Variants in TTC28 observed in about 807,000 individuals in gnomAD.
TTC28 encodes tetratricopeptide repeat domain 28.
In TTC28, 61 loss-of-function variants were observed where a neutral mutation model predicts 198.0. The ratio of observed to expected loss-of-function variants is 0.31; its 90% CI spans 0.25 to 0.38. The LOEUF (loss-of-function observed/expected upper bound fraction) is 0.38. Among genes scored for constraint, TTC28 ranks in the 10% least tolerant of loss-of-function variants. TTC28 has a pLI of 1.00. For synonymous variants in TTC28, 1,171 were observed against 1,297.8 expected (o/e 0.90, Z 2.10); for missense variants, 2,678 against 3,164.0 (o/e 0.85, Z 3.69).
At chr22:28,085,998 C>T (rs1041716814) in intron 12 of TTC28, among the ~76,000 whole-genome samples, 3 of 152,130 alleles carry the variant, frequency 2.0e-5, no homozygotes, top group Non-Finnish European at 2.9e-5. Context: ...TACAGGAGCA[C>T]CCAGATTCAT....
chr22:28,545,487 G>A (rs2049521158), intron 2 of TTC28, among the ~76,000 whole-genome samples: 1 of 152,142 alleles, frequency 6.6e-6, no homozygotes. Context: ...GCTGAGGCAG[G>A]AGGATCACTT....
chr22:28,350,226 T>A (rs969152539), intron 2 of TTC28, among the ~76,000 whole-genome samples: 2 of 152,196 alleles, frequency 1.3e-5, no homozygotes, highest in African/African-American at 4.8e-5. Flanking sequence ...TAAAGTATAT[T>A]TTTTTCTCAC....
At chr22:28,017,365 G>A (rs1938416717) in intron 13 of TTC28, among the ~76,000 whole-genome samples, 2 of 152,262 alleles carry the variant, frequency 1.3e-5, no homozygotes, top group South Asian at 2.1e-4. Flanking sequence ...CCCAGGCCAT[G>A]GGCCTTTGTC....
intron 2 of TTC28, among the ~76,000 whole-genome samples, chr22:28,596,544 C>G (rs1367417102): frequency 2.0e-5 from 3 of 152,098 alleles, no homozygotes; most frequent in Non-Finnish European, 4.4e-5. Context: ...GGTTAGGAAG[C>G]TTTTCTGTTT....
chr22:28,556,318 C>A (rs899343084), intron 2 of TTC28, among the ~76,000 whole-genome samples: 9 of 152,092 alleles, frequency 5.9e-5, no homozygotes, highest in African/African-American at 1.9e-4. Flanking sequence ...AAGATCGCAC[C>A]ACTGCACCCC....
chr22:28,454,946 A>G (rs1568954245), intron 2 of TTC28, among the ~76,000 whole-genome samples: 1 of 152,264 alleles, frequency 6.6e-6, no homozygotes, highest in African/African-American at 2.4e-5. Flanking sequence ...ATATGAAAAC[A>G]TGAGAAAGCT....
intron 13 of TTC28, among the ~76,000 whole-genome samples, chr22:28,020,959 C>G (rs1232846087): frequency 6.6e-6 from 1 of 152,148 alleles, no homozygotes; most frequent in East Asian, 1.9e-4. Flanking sequence ...GAGGCAGGCT[C>G]TCACCTCAAC....
intron 5 of TTC28, among the ~76,000 whole-genome samples, chr22:28,249,447 T>C (rs1930356038): frequency 6.6e-6 from 1 of 152,190 alleles, no homozygotes; most frequent in South Asian, 2.1e-4. Context: ...CCACAGGTGA[T>C]TTAAAATCTT....
At position 28,107,622 on chromosome 22, in the gene TTC28, C is replaced by T; in HGVS notation, c.2223G>A (p.Leu741=). 6.4e-7 allele frequency: 1 copy of T among 1,551,750 alleles called. No homozygotes were observed. The highest frequency in any genetic ancestry group is 1.2e-5 in the South Asian group (1 of 84,060). The change falls in exon 7 of 23, where the codon CTG becomes CTA. Residue 741 remains leucine, a synonymous_variant. Transcript: ENST00000397906. The part of the protein sequence containing the change: ...NGAIKFYEQQ[L]GLAHQVKDRR... ...TGTCCTTTACCTGGTGAGCTAAGCC[C>T]AGTTGCTGCTCATAGAATTTTATTG...
At position 28,020,778 on chromosome 22, in the gene TTC28, A is replaced by AACACACAC. The variant is rs34174077; in HGVS notation, c.4074-6394_4074-6387dup. On this transcript the variant is annotated intron_variant, in intron 13 of 22. Coordinates refer to ENST00000397906, the MANE Select transcript of TTC28 (RefSeq NM_001145418.2). ...CAGCCTGGGCAAGTCCCCCTCCCCC[A>AACACACAC]ACACACACACACACACACACACACG... Among the ~76,000 whole-genome samples, 167 of 148,996 alleles carry AACACACAC rather than the reference A, an allele frequency of 1.1e-3. 1 individual carries two copies. The highest frequency in any genetic ancestry group is 3.8e-3 in the African/African-American group (153 of 40,676).
At chr22:28,233,135 G>A (rs1013485691) in intron 5 of TTC28, among the ~76,000 whole-genome samples, 3 of 151,366 alleles carry the variant, frequency 2.0e-5, no homozygotes, top group Non-Finnish European at 4.4e-5. Flanking sequence ...ATTTTCAATT[G>A]CTTTTCCCTT....
intron 2 of TTC28, among the ~76,000 whole-genome samples, chr22:28,435,177 TTA>T (rs1331006714): frequency 2.6e-5 from 4 of 152,340 alleles, no homozygotes; most frequent in South Asian, 4.1e-4. Context: ...GAACATAATT[TTA>T]TGTTTTTTCT....
At chr22:28,045,106 C>T (rs1265623144) in intron 12 of TTC28, among the ~76,000 whole-genome samples, 1 of 152,088 alleles carries the variant, frequency 6.6e-6, no homozygotes, top group African/African-American at 2.4e-5. Context: ...GCTCTCAAAC[C>T]CTCTCCCCCA....
intron 2 of TTC28, among the ~76,000 whole-genome samples, chr22:28,529,535 G>A (rs976353625): frequency 6.6e-6 from 1 of 152,202 alleles, no homozygotes; most frequent in Middle Eastern, 3.2e-3. Flanking sequence ...AAACGTCCCT[G>A]TCTGACAGCT....
rs191202766 is a variant in TTC28, at chr22:28,396,245, G to A, written c.382-89602C>T. Among the ~76,000 whole-genome samples, 172 of 152,268 alleles carry A rather than the reference G, an allele frequency of 1.1e-3. 1 individual carries two copies. Among genetic ancestry groups the A allele is most frequent in the Admixed American group, 3.6e-3 (55 of 15,302 alleles). On this transcript the variant is annotated intron_variant, in intron 2 of 22. Coordinates refer to ENST00000397906, the MANE Select transcript of TTC28 (RefSeq NM_001145418.2). ...ACATTTTCCAGGAACTGGCAGAAGA[G>A]ATTGCACTAGTTCAAAGAAAGCCAA... is the stretch of plus-strand genomic sequence containing the variant.
intron 5 of TTC28, among the ~76,000 whole-genome samples, chr22:28,257,606 G>T (rs1931019475): frequency 6.6e-6 from 1 of 151,240 alleles, no homozygotes; most frequent in Non-Finnish European, 1.5e-5. Context: ...GCTGGGAAGG[G>T]GAGAGCGAAA....
intron 1 of TTC28, among the ~76,000 whole-genome samples, chr22:28,638,306 T>C (rs2051308340): frequency 6.6e-6 from 1 of 152,036 alleles, no homozygotes; most frequent in South Asian, 2.1e-4. Context: ...TTATCCCCTC[T>C]ATATAAAAAA....
chr22:28,482,207 CTTTTTTTTTTT>C (rs36011379), intron 2 of TTC28, among the ~76,000 whole-genome samples: 388 of 66,964 alleles, frequency 5.8e-3, no homozygotes, highest in Admixed American at 0.011. Context: ...AATGGGCAGT[CTTTTTTTTTTT>C]TTTTTTTTTT....
intron 2 of TTC28, among the ~76,000 whole-genome samples, chr22:28,354,619 CG>C (rs1159527446): frequency 1.3e-4 from 19 of 151,960 alleles, no homozygotes. Flanking sequence ...TTAACAGTTA[CG>C]TATGTACCTA....
Sources: gnomAD v4.1 joint callset for allele counts (sites outside exome capture counted in the v4.1 genomes callset) on GRCh38, gnomAD v4.1.1 for gene constraint, MANE v1.5 for transcripts, NCBI Gene and HGNC (gene_info 2026-07-23, HGNC 2026-07-21) for gene names.